Variants in LIPI observed in about 807,000 individuals in gnomAD.
The protein encoded by LIPI is lipase member I.
Under a neutral mutation model 50.6 loss-of-function variants are expected in LIPI, and 59 were observed. The observed-to-expected ratio is 1.16, with a 90% CI of 0.94 to 1.45. The LOEUF is 1.45. LIPI is among the 40% of genes most tolerant of loss of function. LIPI has a pLI of 0.00. For synonymous variants in LIPI, 203 were observed against 178.2 expected, an observed-to-expected ratio of 1.14 and a Z score of -1.11; for missense variants, 586 against 536.3, an observed-to-expected ratio of 1.09 and a Z score of -0.92.
chr21:14,202,577 TG>T (rs1568886253), intron 1 of LIPI, among the ~76,000 whole-genome samples: 1 of 152,048 alleles, frequency 6.6e-6, no homozygotes. Flanking sequence ...AAACAAGAAA[TG>T]GGGAAAGGAT....
rs568146919 is a variant in LIPI at position 14,121,307 on chromosome 21, G to A, written c.1296-12227C>T. On this transcript the variant is annotated intron_variant, in intron 9 of 9. Transcript: ENST00000681601. ...AGGTTGAGAGAATGAACAAGACACC[G>A]AAACAACTGTTGAAGAAGTTTTGCC... is the stretch of plus-strand genomic sequence containing the variant. 1.5e-4 allele frequency among the ~76,000 whole-genome samples: 23 copies of A among 152,226 alleles called. 2 individuals are homozygous for A. The highest frequency in any genetic ancestry group is 1.2e-3 in the South Asian group (6 of 4,826).
intron 4 of LIPI, among the ~76,000 whole-genome samples, chr21:14,174,616 T>G (rs1299088398): frequency 6.6e-6 from 1 of 152,102 alleles, no homozygotes; most frequent in Non-Finnish European, 1.5e-5. Context: ...TGCAATGGCA[T>G]GATCTCCGCT....
Position 14,196,053 on chromosome 21 carries a change from C to T in LIPI, c.47-6634G>A, listed in dbSNP as rs187433318. 9.4e-5 allele frequency among the ~76,000 whole-genome samples: 14 copies of T among 149,718 alleles called. No homozygotes were observed. The East Asian group carries it at 2.5e-3, about 27-fold the overall frequency. On this transcript the variant is annotated intron_variant, in intron 1 of 9. Transcript: ENST00000681601. ...TAAGGTTACATGCACTTATATGACC[C>T]GAAAAATTAACTTGTGGATGTTAAT...
intron 9 of LIPI, among the ~76,000 whole-genome samples, chr21:14,127,059 C>T (rs1190652938): frequency 6.6e-5 from 10 of 152,156 alleles, no homozygotes; most frequent in Admixed American, 4.6e-4. Flanking sequence ...TCACCTCTGT[C>T]GTGCATAATC....
chr21:14,210,506 T>G (rs1266678633), intron 1 of LIPI, among the ~76,000 whole-genome samples: 1 of 152,030 alleles, frequency 6.6e-6, no homozygotes, highest in Non-Finnish European at 1.5e-5. Context: ...TTTTTTTCTC[T>G]TGAGTATTTC....
At chr21:14,118,706 T>C (rs2822413) in intron 9 of LIPI, among the ~76,000 whole-genome samples, 103,558 of 152,090 alleles carry the variant, frequency 0.68, 35,495 homozygotes, top group East Asian at 0.94. Context: ...TCTTAAGTTA[T>C]CAGGAGTCTG....
Position 14,144,798 on chromosome 21 carries a change from T to A in LIPI, c.1120A>T (p.Lys374Ter). ...GMIEEPRLYE[K>*]NKPFYKLQEV... The stretch of plus-strand genomic sequence containing the variant: ...TGAAGTTTATAAAATGGTTTGTTCT[T>A]TCTAGAGAGAAAATTTGATACACGC... Residue 374 changes from lysine to a stop codon, truncating the protein, a stop_gained and splice_region_variant, in exon 9 of 10, where the codon AAG (lysine) becomes TAG (stop). Transcript: ENST00000681601. LOFTEE classifies it high-confidence loss of function. 1 of 1,556,424 alleles carries A rather than the reference T, an allele frequency of 6.4e-7. No homozygotes were observed. Among genetic ancestry groups the A allele is most frequent in the South Asian group, 1.1e-5 (1 of 89,642 alleles).
intron 9 of LIPI, among the ~76,000 whole-genome samples, chr21:14,138,129 T>TA (rs1568843781): frequency 2.0e-5 from 3 of 152,002 alleles, no homozygotes; most frequent in Non-Finnish European, 4.4e-5. Flanking sequence ...TTGGGCACAC[T>TA]AATAGCCCAG....
In LIPI at chr21:14,129,812, A is replaced by ATT. The variant is rs1568838564; in HGVS notation, c.1295+14810_1295+14811insAA. Among the ~76,000 whole-genome samples the ATT allele has an allele frequency of 8.1e-3, 1,034 of 127,816 alleles. 17 individuals carry two copies. The highest frequency in any genetic ancestry group is 0.03 in the South Asian group (121 of 4,054). 83.9% of individuals were successfully genotyped at this position (127,816 alleles called of 152,430 possible). On this transcript the variant is annotated intron_variant, in intron 9 of 9. Coordinates refer to ENST00000681601, the MANE Select transcript of LIPI (RefSeq NM_001302998.2). ...TGACTCTAATTGTTTTTTTTTTTAA[A>ATT]AAAAAAAAAAGCTTATTTCTCACCT...
chr21:14,175,429 A>G lies in LIPI; in HGVS notation c.643+6329T>C, dbSNP rs910871281. On this transcript the variant is annotated intron_variant, in intron 4 of 9. Transcript: ENST00000681601. ...ATAATGTCCTGACTTTTTCTTAACT[A>G]GGTTGTCTTTGTCTTTATTACTGAC... is the stretch of plus-strand genomic sequence containing the variant. Among the ~76,000 whole-genome samples, 14 of 151,972 alleles carry G rather than the reference A, an allele frequency of 9.2e-5. No homozygotes were observed. In the East Asian group the frequency reaches 1.5e-3, roughly 17 times the overall value.
At chr21:14,115,382 C>G (rs62208640) in intron 9 of LIPI, among the ~76,000 whole-genome samples, 27,051 of 152,158 alleles carry the variant, frequency 0.18, 3,133 homozygotes, top group Non-Finnish European at 0.25. Context: ...ACATAGCTCC[C>G]GGCCACTGAC....
intron 7 of LIPI, among the ~76,000 whole-genome samples, chr21:14,155,578 A>G (rs993261334): frequency 1.3e-5 from 2 of 152,070 alleles, no homozygotes; most frequent in African/African-American, 2.4e-5. Flanking sequence ...GCAGCCAGAA[A>G]GAAATGATGC....
At chr21:14,144,820 A>T (rs1308918220) in intron 8 of LIPI, 21 bp from the exon 9 acceptor site, 1 of 1,483,066 alleles carries the variant, frequency 6.7e-7, no homozygotes, top group Non-Finnish European at 9.4e-7. Context: ...AATTTGATAC[A>T]CGCAGCATAT....
intron 9 of LIPI, among the ~76,000 whole-genome samples, chr21:14,124,001 T>C (rs2016958107): frequency 6.6e-6 from 1 of 152,166 alleles, no homozygotes. Flanking sequence ...AGTCCAGACT[T>C]GGTCCAGGTG....
chr21:14,174,213 C>CA (rs2019015653), intron 4 of LIPI, among the ~76,000 whole-genome samples: 1 of 152,140 alleles, frequency 6.6e-6, no homozygotes, highest in Non-Finnish European at 1.5e-5. Flanking sequence ...TTGATTCAGG[C>CA]ATGTCATTTC....
chr21:14,117,184 G>A (rs2016680075), intron 9 of LIPI, among the ~76,000 whole-genome samples: 1 of 152,156 alleles, frequency 6.6e-6, no homozygotes, highest in South Asian at 2.1e-4. Flanking sequence ...GAGGTTCAAG[G>A]AGGAGAACAG....
intron 9 of LIPI, among the ~76,000 whole-genome samples, chr21:14,118,678 A>G (rs1250183421): frequency 6.6e-6 from 1 of 152,168 alleles, no homozygotes; most frequent in Non-Finnish European, 1.5e-5. Context: ...AAAGAGAAAA[A>G]CTATTCACAG....
chr21:14,149,637 A>G (rs951797125), intron 8 of LIPI, among the ~76,000 whole-genome samples: 13 of 152,250 alleles, frequency 8.5e-5, no homozygotes, highest in African/African-American at 2.4e-4. Context: ...CAATGGGGGT[A>G]CAAGCATTGG....
chr21:14,186,705 A>G (rs373773108), intron 2 of LIPI, among the ~76,000 whole-genome samples: 3 of 152,284 alleles, frequency 2.0e-5, no homozygotes, highest in East Asian at 3.9e-4. Context: ...CTTGTGGGTT[A>G]GGAGAATTAT....
Sources: gnomAD v4.1 joint callset for allele counts (sites outside exome capture counted in the v4.1 genomes callset) on GRCh38, gnomAD v4.1.1 for gene constraint, MANE v1.5 for transcripts, NCBI Gene and HGNC (gene_info 2026-07-23, HGNC 2026-07-21) for gene names.